Variants in SLAMF6 observed in about 807,000 individuals in gnomAD.
SLAMF6 encodes NK-T-B-antigen.
A neutral mutation model predicts 38.3 loss-of-function variants in SLAMF6; 21 were observed. That is an observed-to-expected ratio of 0.55 (90% CI 0.39 to 0.79). SLAMF6 has a LOEUF of 0.79. Ranked by LOEUF, SLAMF6 falls within the 30% of genes least tolerant of loss-of-function variation. SLAMF6 has a pLI of 0.00. For synonymous variants in SLAMF6, 152 were observed against 146.3 expected (o/e 1.04, Z -0.28); for missense variants, 341 against 385.3 (o/e 0.89, Z 0.96).
At chr1:160,515,504 T>C (rs535050316) in intron 1 of SLAMF6, among the ~76,000 whole-genome samples, 2 of 152,320 alleles carry the variant, frequency 1.3e-5, no homozygotes, top group Non-Finnish European at 2.9e-5. Context: ...CTAATTCATT[T>C]TATGAGGCCA....
chr1:160,493,375 C>G (rs1192847443), intron 2 of SLAMF6, among the ~76,000 whole-genome samples: 1 of 152,114 alleles, frequency 6.6e-6, no homozygotes, highest in Non-Finnish European at 1.5e-5. Context: ...TAAAATTGTC[C>G]CCTGCTCCCT....
chr1:160,512,485 A>C (rs1183583782), intron 1 of SLAMF6, among the ~76,000 whole-genome samples: 1 of 152,134 alleles, frequency 6.6e-6, no homozygotes, highest in East Asian at 1.9e-4. Context: ...CCACCACAGC[A>C]CATCCTTTCT....
Position 160,493,823 on chromosome 1 carries a change from G to A in SLAMF6, c.382+2238C>T, listed in dbSNP as rs149589844. 2.3e-4 allele frequency among the ~76,000 whole-genome samples: 35 copies of A among 152,214 alleles called. No individual in the cohort carries two copies. In the East Asian group the frequency reaches 6.6e-3, roughly 29 times the overall value. ...CTTACAATCATGACGGAAGGGCAAGGGGAAGCAAGTCACGTCTTGCATGGC... is the reference window on the plus strand; with the variant it reads ...CTTACAATCATGACGGAAGGGCAAGAGGAAGCAAGTCACGTCTTGCATGGC... On this transcript the variant is annotated intron_variant, in intron 2 of 7. Transcript: ENST00000368057.
At chr1:160,518,315 A>G (rs1654835685) in intron 1 of SLAMF6, among the ~76,000 whole-genome samples, 1 of 152,224 alleles carries the variant, frequency 6.6e-6, no homozygotes, top group Non-Finnish European at 1.5e-5. Flanking sequence ...GTGGGAATGT[A>G]AATTAGTTCA....
intron 1 of SLAMF6, among the ~76,000 whole-genome samples, chr1:160,503,952 A>G (rs1654042824): frequency 7.3e-6 from 1 of 136,928 alleles, no homozygotes; most frequent in Admixed American, 8.0e-5. Context: ...TGGGAGGCAG[A>G]GGTTGCAGTG....
intron 1 of SLAMF6, among the ~76,000 whole-genome samples, chr1:160,510,460 T>C (rs1175790502): frequency 2.0e-5 from 3 of 152,152 alleles, no homozygotes; most frequent in Non-Finnish European, 2.9e-5. Context: ...CAATGCAGTA[T>C]ATGATATTAA....
intron 1 of SLAMF6, among the ~76,000 whole-genome samples, chr1:160,506,115 CCCCAAACTT>C (rs1654174208): frequency 1.3e-5 from 2 of 151,930 alleles, no homozygotes; most frequent in African/African-American, 4.8e-5. Flanking sequence ...AAAATAATGG[CCCCAAACTT>C]CCCAAACTTT....
intron 1 of SLAMF6, among the ~76,000 whole-genome samples, chr1:160,518,936 A>C (rs1006248443): frequency 6.6e-6 from 1 of 152,210 alleles, no homozygotes; most frequent in African/African-American, 2.4e-5. Context: ...AAATGATAAA[A>C]AAGAAAAAAG....
At chr1:160,494,792 C>T (rs976600075) in intron 2 of SLAMF6, among the ~76,000 whole-genome samples, 3 of 152,138 alleles carry the variant, frequency 2.0e-5, no homozygotes, top group Non-Finnish European at 4.4e-5. Context: ...CCGCTACAGC[C>T]TCCAGAGGGA....
chr1:160,488,387 A>T (rs1571278520), intron 6 of SLAMF6, among the ~76,000 whole-genome samples: 1 of 152,220 alleles, frequency 6.6e-6, no homozygotes, highest in Non-Finnish European at 1.5e-5. Flanking sequence ...CATTGCTTAC[A>T]TCATTTTGAA....
At chr1:160,486,788 T>C (rs756347294) in intron 7 of SLAMF6, 34 bp from the exon 8 acceptor site, 2 of 1,613,198 alleles carry the variant, frequency 1.2e-6, no homozygotes, top group Non-Finnish European at 1.7e-6. Context: ...GGTAGGTTAA[T>C]TGGAACTGGA....
chr1:160,490,040 C>T lies in SLAMF6; in HGVS notation c.796+158G>A, dbSNP rs1377804943. The T allele has an allele frequency of 3.6e-6, 3 of 842,332 alleles. No individual in the cohort carries two copies. In the African/African-American group the frequency reaches 5.0e-5, roughly 14 times the overall value. The allele number at this position is 842,332 out of a possible 1,614,324, so 52.2% of individuals were successfully genotyped here. ...CTATGCCTGTGAACCATGTAGGACCCATGATTACAGATCATCTCCCCTCAC... is the reference window on the plus strand; with the variant it reads ...CTATGCCTGTGAACCATGTAGGACCTATGATTACAGATCATCTCCCCTCAC... On this transcript the variant is annotated intron_variant, in intron 5 of 7. Transcript: ENST00000368057.
intron 1 of SLAMF6, among the ~76,000 whole-genome samples, chr1:160,511,751 G>C (rs1654482723): frequency 6.6e-6 from 1 of 152,176 alleles, no homozygotes; most frequent in Non-Finnish European, 1.5e-5. Flanking sequence ...TGTGGTTGGA[G>C]GATCCCACTG....
chr1:160,513,343 C>A (rs1272428842), intron 1 of SLAMF6, among the ~76,000 whole-genome samples: 2 of 152,150 alleles, frequency 1.3e-5, no homozygotes, highest in East Asian at 3.8e-4. Context: ...CAAACAAAAT[C>A]TCTGAGAATT....
chr1:160,488,243 G>A (rs1245164547), intron 6 of SLAMF6, among the ~76,000 whole-genome samples: 1 of 151,972 alleles, frequency 6.6e-6, no homozygotes, highest in East Asian at 1.9e-4. Context: ...AGTGTGAGTT[G>A]ACTTGTTTTC....
At chr1:160,519,609 A>C (rs1654895696) in intron 1 of SLAMF6, among the ~76,000 whole-genome samples, 2 of 152,232 alleles carry the variant, frequency 1.3e-5, no homozygotes, top group African/African-American at 4.8e-5. Flanking sequence ...AATACTATTC[A>C]GCCAAAAAGG....
chr1:160,496,921 T>A (rs1653616377), intron 1 of SLAMF6, among the ~76,000 whole-genome samples: 1 of 152,222 alleles, frequency 6.6e-6, no homozygotes, highest in South Asian at 2.1e-4. Flanking sequence ...TCATTGACGC[T>A]GACTACAGTC....
chr1:160,504,557 T>A (rs1161693915), intron 1 of SLAMF6, among the ~76,000 whole-genome samples: 2 of 152,154 alleles, frequency 1.3e-5, no homozygotes, highest in East Asian at 3.9e-4. Context: ...TCTGAAAGAA[T>A]TGTATTTGTC....
At position 160,518,053 on chromosome 1, in the gene SLAMF6, C is replaced by A. The variant is rs112466433; in HGVS notation, c.49+5091G>T. Among the ~76,000 whole-genome samples, 155 of 151,870 alleles carry A rather than the reference C, an allele frequency of 1.0e-3. 1 individual carries two copies. Among genetic ancestry groups the A allele is most frequent in the African/African-American group, 3.6e-3 (150 of 41,412 alleles). The stretch of plus-strand genomic sequence containing the variant: ...GAAATGTATTAATTAGTTCCCCCAA[C>A]AAATATTTTCTGAATATCTGTAACT... On this transcript the variant is annotated intron_variant, in intron 1 of 7. Coordinates refer to ENST00000368057, the MANE Select transcript of SLAMF6 (RefSeq NM_001184714.2).
Sources: gnomAD v4.1 joint callset for allele counts (sites outside exome capture counted in the v4.1 genomes callset) on GRCh38, gnomAD v4.1.1 for gene constraint, MANE v1.5 for transcripts, NCBI Gene and HGNC (gene_info 2026-07-23, HGNC 2026-07-21) for gene names.